The following WLS variants were observed in gnomAD, a reference collection of about 807,000 sequenced individuals.
WLS encodes protein wntless homolog.
In WLS, 23 loss-of-function variants were observed where a neutral mutation model predicts 62.8. That is an observed-to-expected ratio of 0.37 (90% CI 0.26 to 0.52). WLS has a LOEUF of 0.52. Ranked by LOEUF, WLS falls within the 20% of genes least tolerant of loss-of-function variation. The pLI is 0.92. For missense variants in WLS, 615 were observed against 697.3 expected (o/e 0.88, Z 1.33); for synonymous variants, 246 against 244.1 (o/e 1.01, Z -0.07).
At chr1:68,134,556 G>C (rs1298594212) in intron 11 of WLS, among the ~76,000 whole-genome samples, 2 of 152,170 alleles carry the variant, frequency 1.3e-5, no homozygotes, top group Non-Finnish European at 2.9e-5. Flanking sequence ...TCACAGGCAG[G>C]ACATTTCTTT....
At chr1:68,124,391 C>A (rs1646399365), downstream of WLS, among the ~76,000 whole-genome samples, 1 of 152,206 alleles carries the variant, frequency 6.6e-6, no homozygotes, top group Non-Finnish European at 1.5e-5. Flanking sequence ...CCAGCCAGGC[C>A]TGATCGCCGA....
intron 7 of WLS, 74 bp downstream of exon 7, chr1:68,148,489 C>CA: frequency 6.7e-7 from 1 of 1,484,202 alleles, no homozygotes. Context: ...CCTTTTCAAA[C>CA]ACTCCTCCTA....
chr1:68,232,360 T>C lies in WLS; in HGVS notation c.-61A>G. On this transcript the variant is annotated 5_prime_UTR_variant, in exon 1 of 12. Coordinates refer to ENST00000262348, the MANE Select transcript of WLS (RefSeq NM_024911.7). ...AAATGTTTTAGGGTGAGCTTTTTGC[T>C]CCCTCCTCTCACACACTCCCTCCTT... 6.4e-7 allele frequency: 1 copy of C among 1,573,260 alleles called. No homozygotes were observed. Among genetic ancestry groups the C allele is most frequent in the Admixed American group, 1.8e-5 (1 of 54,556 alleles).
intron 2 of WLS, among the ~76,000 whole-genome samples, chr1:68,187,357 T>C (rs1231045415): frequency 2.0e-5 from 3 of 152,092 alleles, no homozygotes; most frequent in South Asian, 4.1e-4. Flanking sequence ...ATGCCCCCTA[T>C]TAAGTGCTAG....
In WLS at chr1:68,229,086, C is replaced by T. The variant is rs114860958; in HGVS notation, c.106+3108G>A. 7.9e-3 allele frequency among the ~76,000 whole-genome samples: 1,205 copies of T among 152,116 alleles called. 14 individuals are homozygous for T. The highest frequency in any genetic ancestry group is 0.011 in the Non-Finnish European group (770 of 67,998). On this transcript the variant is annotated intron_variant, in intron 1 of 11. Coordinates refer to ENST00000262348, the MANE Select transcript of WLS (RefSeq NM_024911.7). ...AATTCTCTAAGTACTGAAAGAGTTA[C>T]ACAATTTTAGAACCGAAAGGGACCT...
chr1:68,229,980 C>CG (rs1650336246), intron 1 of WLS, among the ~76,000 whole-genome samples: 1 of 152,142 alleles, frequency 6.6e-6, no homozygotes, highest in Admixed American at 6.5e-5. Context: ...CCAAATTCTT[C>CG]GGGAAAAACA....
chr1:68,111,077 T>C (rs1285023538), intron 11 of WLS, among the ~76,000 whole-genome samples: 1 of 152,094 alleles, frequency 6.6e-6, no homozygotes, highest in Non-Finnish European at 1.5e-5. Flanking sequence ...AATGAAAACA[T>C]AAGGAATTCA....
At chr1:68,126,383 G>A in intron 11 of WLS, 48 bp from the exon 12 acceptor site, 2 of 1,609,232 alleles carry the variant, frequency 1.2e-6, no homozygotes, top group Non-Finnish European at 1.7e-6. Flanking sequence ...GGAAGGAGAA[G>A]CAAGCTGGGG....
At chr1:68,127,143 T>C in intron 11 of WLS, 2 of 383,864 alleles carry the variant, frequency 5.2e-6, no homozygotes, top group Non-Finnish European at 1.0e-5. Flanking sequence ...TGCAGTGAGC[T>C]ATGATTGCAC....
In WLS at chr1:68,150,174, C is replaced by T; in HGVS notation, c.972+14G>A. Reference sequence around the variant, plus strand: ...CAGCTGGTACAGACGTCTGTCCCTCCCGGCGGCTCTTACCATCATGTGCTC... The same window carrying T: ...CAGCTGGTACAGACGTCTGTCCCTCTCGGCGGCTCTTACCATCATGTGCTC... On this transcript the variant is annotated intron_variant, in intron 6 of 11. Coordinates refer to ENST00000262348, the MANE Select transcript of WLS (RefSeq NM_024911.7). The T allele has an allele frequency of 1.2e-6, 2 of 1,612,970 alleles. No homozygotes were observed. Among genetic ancestry groups the T allele is most frequent in the Non-Finnish European group, 1.7e-6 (2 of 1,179,430 alleles).
intron 1 of WLS, among the ~76,000 whole-genome samples, chr1:68,222,101 C>G (rs559622103): frequency 6.6e-6 from 1 of 152,264 alleles, no homozygotes; most frequent in Non-Finnish European, 1.5e-5. Context: ...TCCGAAAGCA[C>G]AAGAATTAGT....
chr1:68,216,810 T>C (rs972570655), intron 1 of WLS, among the ~76,000 whole-genome samples: 3 of 152,208 alleles, frequency 2.0e-5, no homozygotes, highest in African/African-American at 7.2e-5. Context: ...TCTAAAGATA[T>C]AAACTTCTGA....
chr1:68,156,131 G>A (rs1433240175), intron 3 of WLS, among the ~76,000 whole-genome samples: 1 of 152,122 alleles, frequency 6.6e-6, no homozygotes, highest in Non-Finnish European at 1.5e-5. Context: ...CTGCTGAGGG[G>A]TGGGGGCCAG....
At chr1:68,229,971 C>T (rs1650335490) in intron 1 of WLS, among the ~76,000 whole-genome samples, 1 of 152,174 alleles carries the variant, frequency 6.6e-6, no homozygotes, top group Admixed American at 6.5e-5. Context: ...CGTCATTAAC[C>T]AAATTCTTCG....
At chr1:68,205,129 T>G (rs1649229379) in intron 1 of WLS, among the ~76,000 whole-genome samples, 2 of 152,194 alleles carry the variant, frequency 1.3e-5, no homozygotes. Context: ...CAAAGTACAC[T>G]TAGACTGGCA....
At position 68,098,721 on chromosome 1, in the gene WLS, A is replaced by G. The variant is rs777321300; in HGVS notation, c.1543T>C (p.Cys515Arg). Reference sequence around the variant, plus strand: ...TAAAGTTCCGAAACAAACAAAGCACAATCTTCCCTCGATTTACATGGGAGT... The same window carrying G: ...TAAAGTTCCGAAACAAACAAAGCACGATCTTCCCTCGATTTACATGGGAGT... Residue 515 changes from cysteine (C) to arginine (R), a missense_variant, in exon 12 of 12, where the codon TGT becomes CGT. Transcript: ENST00000354777. The G allele has an allele frequency of 6.2e-6, 10 of 1,613,812 alleles. No individual in the cohort carries two copies. The East Asian group carries it at 2.2e-4, about 36-fold the overall frequency.
chr1:68,126,094 G>C lies in WLS; in HGVS notation c.*132C>G. 3 of 1,453,930 alleles carry C rather than the reference G, an allele frequency of 2.1e-6. No individual in the cohort carries two copies. Among genetic ancestry groups the C allele is most frequent in the Non-Finnish European group, 2.7e-6 (3 of 1,099,368 alleles). The allele number at this position is 1,453,930 out of a possible 1,614,324, so 90.1% of individuals were successfully genotyped here. A position where few individuals can be genotyped will look rare whatever the true frequency, so the allele number is the denominator to read the frequency against. ...AGGCAAACTGACAAATGTCCATGCC[G>C]CTGGTCCAAGAAACCACAGCTAAGA... On this transcript the variant is annotated 3_prime_UTR_variant, in exon 12 of 12. Coordinates refer to ENST00000262348, the MANE Select transcript of WLS (RefSeq NM_024911.7).
intron 2 of WLS, among the ~76,000 whole-genome samples, chr1:68,159,584 G>A (rs768725003): frequency 2.0e-5 from 3 of 152,124 alleles, no homozygotes; most frequent in South Asian, 2.1e-4. Flanking sequence ...TAGAAGCCAC[G>A]TGGAAGGTGA....
At chr1:68,148,051 G>A in intron 8 of WLS, 85 bp downstream of exon 8, 3 of 1,382,330 alleles carry the variant, frequency 2.2e-6, no homozygotes, top group Non-Finnish European at 3.1e-6. Flanking sequence ...CATATGGGGA[G>A]CATCAGCAGA....
Sources: allele counts gnomAD v4.1 joint callset (sites outside exome capture counted in the v4.1 genomes callset), GRCh38; gene constraint gnomAD v4.1.1; transcripts MANE v1.5; gene names NCBI Gene and HGNC (gene_info 2026-07-23, HGNC 2026-07-21).